The following TMTC1 variants were observed in gnomAD, a reference collection of about 807,000 sequenced individuals.
The protein encoded by TMTC1 is transmembrane O-mannosyltransferase targeting cadherins 1.
A neutral mutation model predicts 104.8 loss-of-function variants in TMTC1; 73 were observed. The observed-to-expected ratio is 0.70, with a 90% CI of 0.58 to 0.85. The LOEUF (loss-of-function observed/expected upper bound fraction) is 0.85. TMTC1 is among the 40% of genes least tolerant of loss of function. TMTC1 has a pLI of 0.00. For synonymous variants in TMTC1, 434 were observed against 428.7 expected, an observed-to-expected ratio of 1.01 and a Z score of -0.15; for missense variants, 1,035 against 1,096.1, an observed-to-expected ratio of 0.94 and a Z score of 0.79.
At chr12:29,660,142 G>C (rs1478169798) in intron 5 of TMTC1, among the ~76,000 whole-genome samples, 1 of 152,216 alleles carries the variant, frequency 6.6e-6, no homozygotes, top group African/African-American at 2.4e-5. Context: ...AGAACATGCA[G>C]AAGGTACCTT....
chr12:29,783,225 C>G lies in TMTC1; in HGVS notation c.302+225G>C, dbSNP rs891449393. ...GGGCAGACAGTTGAGAAACTCGATC[C>G]CAACTCCCCAGCCGGCGCCTCCCGA... On this transcript the variant is annotated intron_variant, in intron 1 of 17. Transcript: ENST00000539277. The surrounding 1 kb of genome is among the most constrained non-coding windows in gnomAD (Gnocchi z 4.7). 2.0e-5 allele frequency among the ~76,000 whole-genome samples: 3 copies of G among 152,158 alleles called. No individual in the cohort carries two copies. Among genetic ancestry groups the G allele is most frequent in the African/African-American group, 7.2e-5 (3 of 41,434 alleles).
chr12:29,765,220 AT>A (rs1943436723), intron 2 of TMTC1, among the ~76,000 whole-genome samples: 1 of 152,128 alleles, frequency 6.6e-6, no homozygotes, highest in Non-Finnish European at 1.5e-5. Flanking sequence ...CATATCAAAA[AT>A]TTTTCATCAT....
intron 5 of TMTC1, among the ~76,000 whole-genome samples, chr12:29,715,551 T>C (rs529167661): frequency 1.3e-5 from 2 of 152,356 alleles, no homozygotes; most frequent in South Asian, 4.1e-4. Flanking sequence ...GTATTTATTA[T>C]GGCCCAGGAA....
chr12:29,682,473 GA>G (rs1277273563), intron 5 of TMTC1, among the ~76,000 whole-genome samples: 3 of 151,860 alleles, frequency 2.0e-5, no homozygotes, highest in Admixed American at 6.6e-5. Context: ...AAAACTGAAA[GA>G]AAAAAAATTT....
chr12:29,685,223 T>C (rs1406162299), intron 5 of TMTC1, among the ~76,000 whole-genome samples: 3 of 151,386 alleles, frequency 2.0e-5, no homozygotes, highest in Admixed American at 6.6e-5. Context: ...CCACAAAGAT[T>C]AAAAAAAAAT....
Position 29,516,362 on chromosome 12 carries a change from T to G in TMTC1, c.2294A>C (p.Glu765Ala). The change falls in exon 15 of 18, where the codon GAG becomes GCG. Residue 765 changes from glutamate (E) to alanine (A), a missense_variant. Coordinates refer to ENST00000539277, the MANE Select transcript of TMTC1 (RefSeq NM_001193451.2). ...RLLSAIYSKQ[E>A]NHDKALDAID... ...GTCCTTCTTTACCTTGTCGTGGTTC[T>G]CCTGCTTGCTATAGATGGCTGACAA... 4 of 1,613,576 alleles carry G rather than the reference T, an allele frequency of 2.5e-6. No individual in the cohort carries two copies. Among genetic ancestry groups the G allele is most frequent in the Non-Finnish European group, 3.4e-6 (4 of 1,179,668 alleles).
intron 5 of TMTC1, among the ~76,000 whole-genome samples, chr12:29,676,779 T>C (rs983426678): frequency 6.6e-6 from 1 of 152,212 alleles, no homozygotes; most frequent in African/African-American, 2.4e-5. Flanking sequence ...TGATAGAAGA[T>C]GATGCCCTCG....
intron 5 of TMTC1, among the ~76,000 whole-genome samples, chr12:29,708,195 C>G (rs12823627): frequency 0.072 from 10,986 of 152,156 alleles, 458 homozygotes; most frequent in Middle Eastern, 0.15. Context: ...CAGAAAAGCA[C>G]AGAATTGCAG....
intron 5 of TMTC1, among the ~76,000 whole-genome samples, chr12:29,720,132 T>C (rs1942196241): frequency 6.6e-6 from 1 of 152,234 alleles, no homozygotes; most frequent in East Asian, 1.9e-4. Context: ...TAGGTCATAA[T>C]GCTATCATGT....
At chr12:29,536,372 C>A in intron 10 of TMTC1, 55 bp from the exon 11 acceptor site, 1 of 1,115,856 alleles carries the variant, frequency 9.0e-7, no homozygotes, top group Non-Finnish European at 1.3e-6. Flanking sequence ...CACTTTGTTT[C>A]AATCCTCTGA....
At chr12:29,605,494 C>T (rs1344430347) in intron 6 of TMTC1, among the ~76,000 whole-genome samples, 1 of 140,330 alleles carries the variant, frequency 7.1e-6, no homozygotes, top group African/African-American at 2.7e-5. Context: ...CTAAAGGAAC[C>T]AGAATTTAAA....
At chr12:29,556,827 C>T in intron 10 of TMTC1, 30 bp downstream of exon 10, 1 of 1,613,034 alleles carries the variant, frequency 6.2e-7, no homozygotes, top group Non-Finnish European at 8.5e-7. Flanking sequence ...ATCGCAAGGC[C>T]ACCTGATCGA....
At chr12:29,660,039 G>C (rs1939942748) in intron 5 of TMTC1, 3 of 1,351,268 alleles carry the variant, frequency 2.2e-6, no homozygotes, top group South Asian at 1.3e-5. Flanking sequence ...CACCCTTTTT[G>C]CAGGTGCATT....
intron 5 of TMTC1, among the ~76,000 whole-genome samples, chr12:29,659,111 C>A (rs1278643910): frequency 6.6e-6 from 1 of 152,212 alleles, no homozygotes; most frequent in South Asian, 2.1e-4. Flanking sequence ...AACCACCCCA[C>A]TTATTTTATC....
intron 10 of TMTC1, among the ~76,000 whole-genome samples, chr12:29,538,258 C>T (rs1031570581): frequency 2.4e-4 from 36 of 152,300 alleles, no homozygotes; most frequent in African/African-American, 8.2e-4. Context: ...ACACACACTA[C>T]GTTTACATAC....
intron 11 of TMTC1, among the ~76,000 whole-genome samples, chr12:29,526,904 A>T (rs756731635): frequency 1.1e-4 from 17 of 152,300 alleles, no homozygotes; most frequent in Non-Finnish European, 2.5e-4. Flanking sequence ...TTTGGAACAT[A>T]TATTAATAAT....
chr12:29,556,512 A>C (rs1945249537), intron 10 of TMTC1, among the ~76,000 whole-genome samples: 1 of 152,236 alleles, frequency 6.6e-6, no homozygotes, highest in Non-Finnish European at 1.5e-5. Context: ...AGATTCACAA[A>C]GAATATTAGC....
intron 5 of TMTC1, among the ~76,000 whole-genome samples, chr12:29,685,219 A>T (rs1941054398): frequency 6.6e-6 from 1 of 152,040 alleles, no homozygotes; most frequent in South Asian, 2.1e-4. Context: ...ATTGCCACAA[A>T]GATTAAAAAA....
chr12:29,735,650 C>T (rs1489988493), intron 5 of TMTC1, among the ~76,000 whole-genome samples: 3 of 152,170 alleles, frequency 2.0e-5, no homozygotes, highest in Non-Finnish European at 4.4e-5. Flanking sequence ...ATAAAATACT[C>T]TAGCATCAAT....
Sources: allele counts gnomAD v4.1 joint callset (sites outside exome capture counted in the v4.1 genomes callset), GRCh38; gene constraint gnomAD v4.1.1; non-coding constraint Gnocchi (gnomAD v3.1); transcripts MANE v1.5; gene names NCBI Gene and HGNC (gene_info 2026-07-23, HGNC 2026-07-21).